DNAAF4: variants seen among roughly 807,000 people sequenced by gnomAD.
The protein encoded by DNAAF4 is dynein assembly factor 4, axonemal.
Under a neutral mutation model 51.8 loss-of-function variants are expected in DNAAF4, and 43 were observed. That is an observed-to-expected ratio of 0.83 (90% CI 0.65 to 1.07). DNAAF4 has a LOEUF of 1.07. DNAAF4 is among the 50% of genes least tolerant of loss of function. DNAAF4 has a pLI of 0.00. For missense variants in DNAAF4, 581 were observed against 493.0 expected (o/e 1.18, Z -1.69); for synonymous variants, 194 against 165.6 (o/e 1.17, Z -1.32).
intron 5 of DNAAF4, among the ~76,000 whole-genome samples, chr15:55,463,838 C>T (rs927263814): frequency 3.9e-5 from 6 of 152,158 alleles, no homozygotes; most frequent in Admixed American, 6.5e-5. Flanking sequence ...ACATCCCATG[C>T]TCACAGATGG....
At chr15:55,424,349 C>G (rs2057412377) in intron 7 of DNAAF4, among the ~76,000 whole-genome samples, 1 of 152,186 alleles carries the variant, frequency 6.6e-6, no homozygotes. Context: ...AACCATGAAC[C>G]AAATAAATCT....
At chr15:55,462,504 A>G (rs2058107458) in intron 5 of DNAAF4, among the ~76,000 whole-genome samples, 1 of 152,120 alleles carries the variant, frequency 6.6e-6, no homozygotes, top group Non-Finnish European at 1.5e-5. Context: ...GCTGAATTCT[A>G]ACAGACATTC....
At chr15:55,485,132 T>C (rs1351125610) in intron 4 of DNAAF4, among the ~76,000 whole-genome samples, 2 of 152,152 alleles carry the variant, frequency 1.3e-5, no homozygotes, top group African/African-American at 4.8e-5. Context: ...GAATAAACAC[T>C]GGCCAAAGAC....
At chr15:55,495,948 C>T (rs567585153) in intron 3 of DNAAF4, among the ~76,000 whole-genome samples, 2 of 151,980 alleles carry the variant, frequency 1.3e-5, no homozygotes, top group African/African-American at 2.4e-5. Context: ...GATGTCAGGC[C>T]GGTCGCGGTG....
chr15:55,461,484 A>C (rs1283303551), intron 5 of DNAAF4, among the ~76,000 whole-genome samples: 1 of 152,174 alleles, frequency 6.6e-6, no homozygotes, highest in African/African-American at 2.4e-5. Flanking sequence ...TTCAAAAGGA[A>C]CACTCAAAAC....
At chr15:55,433,413 T>C (rs2057528048) in intron 8 of DNAAF4, among the ~76,000 whole-genome samples, 1 of 152,036 alleles carries the variant, frequency 6.6e-6, no homozygotes, top group African/African-American at 2.4e-5. Context: ...GATTACGAAG[T>C]CAGGAGATCG....
intron 9 of DNAAF4, 42 bp downstream of exon 9, chr15:55,432,455 G>T: frequency 6.7e-7 from 1 of 1,483,010 alleles, no homozygotes; most frequent in South Asian, 1.2e-5. Context: ...ATTTTTTTCA[G>T]AGTATAACTT....
intron 9 of DNAAF4, among the ~76,000 whole-genome samples, chr15:55,431,958 A>AT (rs906220862): frequency 2.5e-3 from 356 of 141,302 alleles, no homozygotes; most frequent in South Asian, 4.3e-3. Context: ...GTAATATAGC[A>AT]TTTTTTTTTT....
chr15:55,439,283 G>GT (rs2057668739), intron 7 of DNAAF4, among the ~76,000 whole-genome samples, 189 bp downstream of exon 7: 2 of 152,038 alleles, frequency 1.3e-5, no homozygotes, highest in Admixed American at 1.3e-4. Context: ...TATTTTGTTT[G>GT]TTTTTTTGTA....
chr15:55,460,469 C>T (rs530802986), intron 5 of DNAAF4, among the ~76,000 whole-genome samples: 24 of 151,858 alleles, frequency 1.6e-4, no homozygotes, highest in South Asian at 4.2e-4. Flanking sequence ...CATGAGCCAC[C>T]GCGCCCGGCC....
chr15:55,447,714 G>A (rs908094088), intron 6 of DNAAF4, among the ~76,000 whole-genome samples: 2 of 149,342 alleles, frequency 1.3e-5, no homozygotes, highest in South Asian at 4.3e-4. Context: ...AGGCAGGGAG[G>A]TGGCAGCGAG....
intron 3 of DNAAF4, 147 bp downstream of exon 3, chr15:55,497,565 A>C (rs950340534): frequency 1.1e-5 from 9 of 846,086 alleles, no homozygotes; most frequent in Non-Finnish European, 1.5e-5. Context: ...ATGTCACTGC[A>C]CTCCAGCCTG....
chr15:55,475,984 A>C (rs1051806096), intron 4 of DNAAF4, among the ~76,000 whole-genome samples: 3 of 152,210 alleles, frequency 2.0e-5, no homozygotes, highest in African/African-American at 7.2e-5. Flanking sequence ...GGCTCTCATG[A>C]AACAATGGAT....
At chr15:55,450,658 T>G (rs1040593485) in intron 5 of DNAAF4, among the ~76,000 whole-genome samples, 1 of 152,164 alleles carries the variant, frequency 6.6e-6, no homozygotes, top group African/African-American at 2.4e-5. Flanking sequence ...CTACATCAAC[T>G]CTAGAGAAGG....
Position 55,446,306 on chromosome 15 carries a change from G to GGGC in DNAAF4, c.783+3913_783+3915dup, listed in dbSNP as rs1567009023. Among the ~76,000 whole-genome samples the GGGC allele has an allele frequency of 1.7e-5, 2 of 116,994 alleles. 1 individual carries two copies. Among genetic ancestry groups the GGGC allele is most frequent in the Admixed American group, 1.7e-4 (2 of 12,110 alleles). The allele number at this position is 116,994 out of a possible 152,430, so 76.8% of individuals were successfully genotyped here. On this transcript the variant is annotated intron_variant, in intron 6 of 9. Transcript: ENST00000321149. The stretch of plus-strand genomic sequence containing the variant: ...TCCTCACATCCCAGACGGGGGGGGG[G>GGGC]GGCAGCTGGGCAGAGGCACTCCTCA...
downstream of DNAAF4, among the ~76,000 whole-genome samples, chr15:55,426,308 C>T (rs763438352): frequency 4.1e-4 from 63 of 152,174 alleles, no homozygotes; most frequent in Non-Finnish European, 6.5e-4. Context: ...ACCATAATTT[C>T]TAATCTTGTG....
intron 5 of DNAAF4, among the ~76,000 whole-genome samples, chr15:55,451,753 C>T (rs1280675622): frequency 5.9e-5 from 9 of 151,982 alleles, no homozygotes; most frequent in African/African-American, 1.9e-4. Flanking sequence ...GCAGGCACTA[C>T]AGGTGCCCAC....
intron 4 of DNAAF4, among the ~76,000 whole-genome samples, chr15:55,488,472 CACAGAGTG>C (rs2058523758): frequency 6.6e-6 from 1 of 152,180 alleles, no homozygotes; most frequent in Admixed American, 6.5e-5. Context: ...TCTAGGATTG[CACAGAGTG>C]AAAATAGCTT....
intron 5 of DNAAF4, among the ~76,000 whole-genome samples, chr15:55,458,834 GA>G (rs2058055149): frequency 6.6e-6 from 1 of 152,162 alleles, no homozygotes; most frequent in African/African-American, 2.4e-5. Flanking sequence ...AGCACTTTGG[GA>G]GGCCAAGGCG....
Sources: allele counts gnomAD v4.1 joint callset (sites outside exome capture counted in the v4.1 genomes callset), GRCh38; gene constraint gnomAD v4.1.1; transcripts MANE v1.5; gene names NCBI Gene and HGNC (gene_info 2026-07-23, HGNC 2026-07-21).